YWHAE: variants seen among roughly 807,000 people sequenced by gnomAD.
YWHAE encodes the protein 14-3-3 protein epsilon.
A neutral mutation model predicts 30.1 loss-of-function variants in YWHAE; 4 were observed. The observed-to-expected ratio is 0.13, with a 90% CI of 0.07 to 0.30. The LOEUF is 0.30. YWHAE is among the 10% of genes least tolerant of loss of function. YWHAE has a pLI of 1.00. For synonymous variants in YWHAE, 118 were observed against 111.8 expected, an observed-to-expected ratio of 1.06 and a Z score of -0.35; for missense variants, 121 against 315.9, an observed-to-expected ratio of 0.38 and a Z score of 4.68.
intron 1 of YWHAE, among the ~76,000 whole-genome samples, chr17:1,377,408 C>T (rs1360202044): frequency 6.6e-6 from 1 of 152,144 alleles, no homozygotes. Flanking sequence ...AAAGCAATCA[C>T]ACCAAGGGAA....
intron 1 of YWHAE, among the ~76,000 whole-genome samples, chr17:1,365,445 T>C (rs1163029666): frequency 6.6e-6 from 1 of 152,118 alleles, no homozygotes; most frequent in African/African-American, 2.4e-5. Flanking sequence ...GTCTCACAAA[T>C]AAATAGTATT....
intron 4 of YWHAE, among the ~76,000 whole-genome samples, chr17:1,357,907 A>G (rs1840927186): frequency 6.6e-6 from 1 of 151,736 alleles, no homozygotes; most frequent in Non-Finnish European, 1.5e-5. Flanking sequence ...AGCCTGGGAA[A>G]CACAGCGAGA....
intron 1 of YWHAE, among the ~76,000 whole-genome samples, chr17:1,380,017 A>G (rs1427681310): frequency 6.6e-6 from 1 of 152,146 alleles, no homozygotes; most frequent in Non-Finnish European, 1.5e-5. Context: ...TTAGACAAAA[A>G]TGACACACAC....
intron 5 of YWHAE, among the ~76,000 whole-genome samples, chr17:1,350,635 T>C (rs1201517018): frequency 2.0e-5 from 3 of 149,554 alleles, no homozygotes; most frequent in Non-Finnish European, 4.5e-5. Context: ...AGAGACGGGG[T>C]TTCTCCATGT....
At chr17:1,370,345 A>T (rs557369940) in intron 1 of YWHAE, among the ~76,000 whole-genome samples, 3 of 151,168 alleles carry the variant, frequency 2.0e-5, no homozygotes, top group Admixed American at 2.0e-4. Context: ...GTTAGCCAGG[A>T]CGGTCTCGAT....
chr17:1,383,535 C>T (rs529578607), intron 1 of YWHAE, among the ~76,000 whole-genome samples: 5 of 149,084 alleles, frequency 3.4e-5, no homozygotes, highest in African/African-American at 9.9e-5. Flanking sequence ...ATTACAGGCA[C>T]GTGCCACCAC....
chr17:1,365,366 T>TTC (rs935605571), intron 1 of YWHAE, among the ~76,000 whole-genome samples: 1 of 152,040 alleles, frequency 6.6e-6, no homozygotes, highest in Non-Finnish European at 1.5e-5. Context: ...CCTAACTATT[T>TTC]TCCAGCAAAA....
chr17:1,388,377 G>A (rs1397337666), intron 1 of YWHAE, among the ~76,000 whole-genome samples: 5 of 151,724 alleles, frequency 3.3e-5, no homozygotes, highest in Admixed American at 3.3e-4. Flanking sequence ...TGAGCCGGGC[G>A]TGGTGGCAGG....
chr17:1,369,311 T>C (rs960831724), intron 1 of YWHAE, among the ~76,000 whole-genome samples: 3 of 152,006 alleles, frequency 2.0e-5, no homozygotes, highest in Admixed American at 6.6e-5. Context: ...CTGGCCAACA[T>C]AGTAAAACCC....
chr17:1,383,760 T>G (rs1263252614), intron 1 of YWHAE, among the ~76,000 whole-genome samples: 1 of 152,120 alleles, frequency 6.6e-6, no homozygotes, highest in Non-Finnish European at 1.5e-5. Flanking sequence ...GTTGCTAGTA[T>G]TATAAACAGT....
chr17:1,380,970 C>G (rs998729092), intron 1 of YWHAE, among the ~76,000 whole-genome samples: 10 of 152,198 alleles, frequency 6.6e-5, no homozygotes, highest in African/African-American at 2.4e-4. Flanking sequence ...ATTCTGGTTT[C>G]TAGCCACAGC....
chr17:1,386,392 T>C (rs1470491561), intron 1 of YWHAE, among the ~76,000 whole-genome samples: 1 of 152,206 alleles, frequency 6.6e-6, no homozygotes. Context: ...AAAGCAATCA[T>C]ACATTCACTA....
At chr17:1,361,566 T>C in intron 3 of YWHAE, 1 of 446,384 alleles carries the variant, frequency 2.2e-6, no homozygotes, top group Non-Finnish European at 3.9e-6. Context: ...TATCACCTGA[T>C]AGACCAGAAT....
intron 1 of YWHAE, among the ~76,000 whole-genome samples, chr17:1,390,679 G>A (rs1200432173): frequency 6.6e-6 from 1 of 152,174 alleles, no homozygotes; most frequent in African/African-American, 2.4e-5. Context: ...GCCAAATGAT[G>A]AAATACTGTC....
chr17:1,359,946 G>GGGGGAGAAGGGGAGGT, intron 4 of YWHAE, among the ~76,000 whole-genome samples: 1 of 79,826 alleles, frequency 1.3e-5, no homozygotes, highest in Non-Finnish European at 2.6e-5. Flanking sequence ...GAGGGGGAGG[G>GGGGGAGAAGGGGAGGT]GGGGAGAGAG....
At chr17:1,359,897 C>T (rs1221409138) in intron 4 of YWHAE, among the ~76,000 whole-genome samples, 7 of 62,210 alleles carry the variant, frequency 1.1e-4, no homozygotes, top group African/African-American at 1.3e-4. Flanking sequence ...GAGAGGGAGA[C>T]GGGGAGAGAG....
chr17:1,350,130 T>G lies in YWHAE; in HGVS notation c.715+4081A>C, dbSNP rs193292458. ...ACGACGCCTGGCTAATTTTGTATTT[T>G]TAGTAGAGATGGGGTTTCTCCATGT... is the stretch of plus-strand genomic sequence containing the variant. On this transcript the variant is annotated intron_variant, in intron 5 of 5. Coordinates refer to ENST00000264335, the MANE Select transcript of YWHAE (RefSeq NM_006761.5). Among the ~76,000 whole-genome samples, 40 of 152,036 alleles carry G rather than the reference T, an allele frequency of 2.6e-4. No homozygotes were observed. The East Asian group carries it at 7.6e-3, about 29-fold the overall frequency.
At chr17:1,393,850 T>C (rs1340024801) in intron 1 of YWHAE, among the ~76,000 whole-genome samples, 3 of 152,160 alleles carry the variant, frequency 2.0e-5, no homozygotes, top group Admixed American at 2.0e-4. Flanking sequence ...GTACCTAAAC[T>C]TCACCTCATT....
Position 1,400,087 on chromosome 17 carries a change from C to T in YWHAE, c.24G>A (p.Val8=). 1 of 1,614,072 alleles carries T rather than the reference C, an allele frequency of 6.2e-7. No individual in the cohort carries two copies. The highest frequency in any genetic ancestry group is 8.5e-7 in the Non-Finnish European group (1 of 1,179,998). The change falls in exon 1 of 6, where the codon GTG becomes GTA. Residue 8 remains valine (V), a synonymous_variant. Coordinates refer to ENST00000264335, the MANE Select transcript of YWHAE (RefSeq NM_006761.5). ...CCTGCTCGGCCAGCTTCGCCTGGTA[C>T]ACCAGATCCTCTCGATCATCCATAG... The part of the protein sequence containing the change: MDDREDL[V]YQAKLAEQAE...
Sources: gnomAD v4.1 joint callset for allele counts (sites outside exome capture counted in the v4.1 genomes callset) on GRCh38, gnomAD v4.1.1 for gene constraint, MANE v1.5 for transcripts, NCBI Gene and HGNC (gene_info 2026-07-23, HGNC 2026-07-21) for gene names.